Variants in KMT2C observed in about 807,000 individuals in gnomAD.
KMT2C encodes the protein histone-lysine N-methyltransferase 2C.
KMT2C carries 88 observed loss-of-function variants against 507.9 expected under a neutral mutation model. The observed-to-expected ratio is 0.17, with a 90% confidence interval of 0.15 to 0.21. KMT2C has a LOEUF of 0.21. KMT2C is among the 10% of genes least tolerant of loss of function. The pLI is 1.00. For synonymous variants in KMT2C, 2,049 were observed against 2,080.8 expected (o/e 0.98, Z 0.42); for missense variants, 4,954 against 5,957.8 (o/e 0.83, Z 5.55).
chr7:152,258,675 A>G (rs6464216), intron 9 of KMT2C, among the ~76,000 whole-genome samples: 50,467 of 151,804 alleles, frequency 0.33, 12,356 homozygotes, highest in African/African-American at 0.7. Context: ...CATGGCACCC[A>G]CTATCATGCC....
At chr7:152,293,043 A>G (rs1031455151) in intron 6 of KMT2C, among the ~76,000 whole-genome samples, 27 of 152,208 alleles carry the variant, frequency 1.8e-4, no homozygotes, top group African/African-American at 6.3e-4. Flanking sequence ...AGAGGTGGAA[A>G]TAACACTTAT....
In KMT2C at chr7:152,181,644, A is replaced by G; in HGVS notation, c.6216T>C (p.Tyr2072=). The change falls in exon 36 of 59, where the codon TAT becomes TAC. Residue 2072 remains tyrosine (Y), a synonymous_variant. Transcript: ENST00000262189. ...QASRRLSVDP[Y]ERPALTPRPI... Reference sequence around the variant, plus strand: ...GTCTTGGTGTCAAAGCAGGCCTTTCATAAGGGTCAACAGACAATCGCCTTG... The same window carrying G: ...GTCTTGGTGTCAAAGCAGGCCTTTCGTAAGGGTCAACAGACAATCGCCTTG... 5 of 1,614,144 alleles carry G rather than the reference A, an allele frequency of 3.1e-6. No homozygotes were observed. The highest frequency in any genetic ancestry group is 3.4e-6 in the Non-Finnish European group (4 of 1,180,002).
intron 6 of KMT2C, among the ~76,000 whole-genome samples, chr7:152,276,554 AC>A (rs1459760739): frequency 2.0e-5 from 3 of 152,080 alleles, no homozygotes; most frequent in Non-Finnish European, 4.4e-5. Flanking sequence ...GGAGTTAGAA[AC>A]CAGCCTGGGC....
At chr7:152,165,332 T>C (rs1252838273) in intron 42 of KMT2C, among the ~76,000 whole-genome samples, 1 of 152,250 alleles carries the variant, frequency 6.6e-6, no homozygotes, top group East Asian at 1.9e-4. Flanking sequence ...TTTTCAAGTA[T>C]TAGCTTCTAA....
At chr7:152,169,081 G>A (rs537151290) in intron 41 of KMT2C, 105 bp downstream of exon 41, 16 of 673,224 alleles carry the variant, frequency 2.4e-5, no homozygotes, top group African/African-American at 2.2e-4. Context: ...GAGGGCACCT[G>A]GGCTTGAACT....
At chr7:152,297,043 AAGAAAGAAAGACAGAGAGAGAG>A (rs1563766683) in intron 6 of KMT2C, among the ~76,000 whole-genome samples, 19 of 83,404 alleles carry the variant, frequency 2.3e-4, no homozygotes, top group African/African-American at 9.6e-4. Flanking sequence ...GAAAGAAAGA[AAGAAAGAAAGACAGAGAGAGAG>A]AGAGAGAGAG....
rs2093888397 is a variant in KMT2C at position 152,193,981 on chromosome 7, A to C, written c.4660+28T>G. On this transcript the variant is annotated intron_variant, in intron 31 of 58. Coordinates refer to ENST00000262189, the MANE Select transcript of KMT2C (RefSeq NM_170606.3). ...CATATATACACATGTGTGTGAATAT[A>C]ATGTAGAATTATAAAGTCATAACAT... The C allele has an allele frequency of 4.0e-6, 6 of 1,500,992 alleles. No individual in the cohort carries two copies. The African/African-American group carries it at 4.3e-5, about 11-fold the overall frequency. 93.0% of individuals were successfully genotyped at this position (1,500,992 alleles called of 1,614,324 possible). A position where few individuals can be genotyped will look rare whatever the true frequency, so the allele number is the denominator to read the frequency against.
At chr7:152,280,325 G>T (rs111933273) in intron 6 of KMT2C, among the ~76,000 whole-genome samples, 1 of 151,892 alleles carries the variant, frequency 6.6e-6, no homozygotes, top group African/African-American at 2.4e-5. Flanking sequence ...GGCGGATCAC[G>T]AGGTCATGAG....
At chr7:152,318,344 C>T (rs992710529) in intron 3 of KMT2C, among the ~76,000 whole-genome samples, 47 of 151,892 alleles carry the variant, frequency 3.1e-4, no homozygotes, top group African/African-American at 1.1e-3. Flanking sequence ...TGGCACACAC[C>T]TGTAATCCCA....
At chr7:152,310,465 T>A (rs1298751699) in intron 5 of KMT2C, among the ~76,000 whole-genome samples, 4 of 152,140 alleles carry the variant, frequency 2.6e-5, no homozygotes, top group Non-Finnish European at 5.9e-5. Context: ...CTCAGGAGGC[T>A]GAGGCATGAG....
rs1212620395 is a variant in KMT2C at position 152,252,558 on chromosome 7, T to C, written c.1457A>G (p.Asn486Ser). Residue 486 changes from asparagine to serine, a missense_variant, in exon 10 of 59, where the codon AAT becomes AGT. Coordinates refer to ENST00000262189, the MANE Select transcript of KMT2C (RefSeq NM_170606.3). ...PELQKDMLHC[N>S]MCKRWVHLEC... The stretch of plus-strand genomic sequence containing the variant: ...ACTATCTTCTTACCTTTTGCACATA[T>C]TACAATGAAGCATGTCTTTCTGCAA... 1.2e-6 allele frequency: 2 copies of C among 1,612,536 alleles called. No individual in the cohort carries two copies. Among genetic ancestry groups the C allele is most frequent in the Non-Finnish European group, 1.7e-6 (2 of 1,179,164 alleles).
At chr7:152,305,918 A>G (rs993688889) in intron 6 of KMT2C, among the ~76,000 whole-genome samples, 5 of 152,198 alleles carry the variant, frequency 3.3e-5, no homozygotes, top group Non-Finnish European at 4.4e-5. Context: ...AGATCTAAGC[A>G]CTAGGTATTC....
At chr7:152,160,717 A>G (rs1369726592) in intron 43 of KMT2C, among the ~76,000 whole-genome samples, 2 of 149,902 alleles carry the variant, frequency 1.3e-5, no homozygotes, top group Non-Finnish European at 3.0e-5. Context: ...ATCACACTTT[A>G]ATTTGGGGGG....
intron 1 of KMT2C, among the ~76,000 whole-genome samples, chr7:152,363,019 C>G (rs955220573): frequency 1.3e-5 from 2 of 152,136 alleles, no homozygotes; most frequent in Non-Finnish European, 2.9e-5. Context: ...TTGGCTTCTG[C>G]CATGTGACTT....
intron 6 of KMT2C, among the ~76,000 whole-genome samples, chr7:152,280,060 T>A (rs1301943224): frequency 1.3e-5 from 2 of 152,312 alleles, no homozygotes; most frequent in Non-Finnish European, 2.9e-5. Flanking sequence ...AAAAGGGAGA[T>A]TTGCCTAATC....
chr7:152,267,326 T>A (rs2095874149), intron 7 of KMT2C, among the ~76,000 whole-genome samples: 1 of 152,148 alleles, frequency 6.6e-6, no homozygotes, highest in South Asian at 2.1e-4. Flanking sequence ...AAACACTCAA[T>A]CTCAACTGCT....
intron 57 of KMT2C, 88 bp downstream of exon 57, chr7:152,139,098 A>T: frequency 7.7e-7 from 1 of 1,295,052 alleles, no homozygotes; most frequent in Non-Finnish European, 1.1e-6. Context: ...GGCTGCCGTG[A>T]GAGCCTTTCC....
At chr7:152,364,170 TA>T (rs1289335666) in intron 1 of KMT2C, among the ~76,000 whole-genome samples, 1 of 152,126 alleles carries the variant, frequency 6.6e-6, no homozygotes, top group African/African-American at 2.4e-5. Context: ...ATTCCCAACT[TA>T]ACTACTGGGC....
chr7:152,434,169 T>C (rs1187846684), intron 1 of KMT2C, among the ~76,000 whole-genome samples: 2 of 152,216 alleles, frequency 1.3e-5, no homozygotes, highest in Non-Finnish European at 2.9e-5. Flanking sequence ...ATAAGGGCAT[T>C]TTATACTTGC....
Sources: gnomAD v4.1 joint callset for allele counts (sites outside exome capture counted in the v4.1 genomes callset) on GRCh38, gnomAD v4.1.1 for gene constraint, MANE v1.5 for transcripts, NCBI Gene and HGNC (gene_info 2026-07-23, HGNC 2026-07-21) for gene names.